METAP2: variants seen among roughly 807,000 people sequenced by gnomAD.
The protein encoded by METAP2 is methionyl aminopeptidase 2, also known as methionine aminopeptidase 2.
Under a neutral mutation model 59.4 loss-of-function variants are expected in METAP2, and 25 were observed. That is an observed-to-expected ratio of 0.42 (90% CI 0.31 to 0.59). METAP2 has a LOEUF of 0.59. Ranked by LOEUF, METAP2 falls within the 20% of genes least tolerant of loss-of-function variation. The pLI, the probability that METAP2 is intolerant of heterozygous loss-of-function variation, is 0.16. For missense variants in METAP2, 366 were observed against 581.2 expected (o/e 0.63, Z 3.81); for synonymous variants, 214 against 194.1 (o/e 1.10, Z -0.85).
intron 4 of METAP2, among the ~76,000 whole-genome samples, chr12:95,491,873 C>T (rs2076240120): frequency 6.6e-6 from 1 of 152,140 alleles, no homozygotes; most frequent in Non-Finnish European, 1.5e-5. Flanking sequence ...GTGGTGAGAT[C>T]TAGCTAAGTT....
At chr12:95,492,395 A>G (rs1415631353) in intron 4 of METAP2, among the ~76,000 whole-genome samples, 2 of 152,092 alleles carry the variant, frequency 1.3e-5, no homozygotes, top group South Asian at 2.1e-4. Context: ...GCAGATTTTA[A>G]AAAAATTTTT....
chr12:95,476,085 C>A lies in METAP2; in HGVS notation c.166C>A (p.Pro56Thr). 6.2e-7 allele frequency: 1 copy of A among 1,606,810 alleles called. No homozygotes were observed. Among genetic ancestry groups the A allele is most frequent in the South Asian group, 1.1e-5 (1 of 89,898 alleles). Reference sequence around the variant, plus strand: ...ATTTTGATCAGCAGGGGAACAGGAACCTGATAAAGAATCAGGAGCCTCAGT... The same window carrying A: ...ATTTTGATCAGCAGGGGAACAGGAAACTGATAAAGAATCAGGAGCCTCAGT... Reference protein sequence around the residue: ...KGPSAAGEQEPDKESGASVDE... With the variant: ...KGPSAAGEQETDKESGASVDE... The change falls in exon 2 of 11, where the codon CCT (proline) becomes ACT (threonine). Residue 56 changes from proline (P) to threonine (T), a missense_variant. Physicochemically the swap from Pro to Thr is conservative, Grantham distance 38 (BLOSUM62 -1). This residue lies in a region of METAP2 where 177 missense variants were observed against 180.3 expected (regional missense o/e 0.98). Transcript: ENST00000323666.
At chr12:95,500,322 C>T (rs1051148514) in intron 7 of METAP2, among the ~76,000 whole-genome samples, 2 of 152,034 alleles carry the variant, frequency 1.3e-5, no homozygotes, top group Admixed American at 6.6e-5. Context: ...TTAGGGTTTT[C>T]CCTAGGTAAG....
chr12:95,501,007 A>ATTTTTT (rs540202398), intron 7 of METAP2, among the ~76,000 whole-genome samples: 9 of 103,562 alleles, frequency 8.7e-5, no homozygotes, highest in African/African-American at 1.1e-4. Flanking sequence ...CTTTGTTGGG[A>ATTTTTT]TTTTTTTTTT....
rs2076422829 is a variant in METAP2, at chr12:95,513,743, A to G, written c.1276A>G (p.Ser426Gly). Residue 426 changes from serine to glycine, a missense_variant, in exon 11 of 11, where the codon AGT becomes GGT. Around this residue, in one of 4 missense-constraint regions of METAP2, gnomAD observed 82 missense variants for 156.2 expected, o/e 0.52. Coordinates refer to ENST00000323666, the MANE Select transcript of METAP2 (RefSeq NM_006838.4). Reference protein sequence around the residue: ...CRRWLDRLGESKYLMALKNLC... With the variant: ...CRRWLDRLGEGKYLMALKNLC... ...CAGATGGCTGGATCGCTTGGGAGAA[A>G]GTAAATACTTGATGGCTCTGAAGAA... is the stretch of plus-strand genomic sequence containing the variant. 2 of 1,614,258 alleles carry G rather than the reference A, an allele frequency of 1.2e-6. No individual in the cohort carries two copies. The highest frequency in any genetic ancestry group is 4.5e-5 in the East Asian group (2 of 44,890).
chr12:95,474,333 A>C lies in METAP2; in HGVS notation c.151+3A>C, dbSNP rs2076101733. Reference sequence around the variant, plus strand: ...GAAGAGCAAAGGGCCTTCTGCAGGTAAAGAGAGTTTTATGTTTTCCCAGTC... The same window carrying C: ...GAAGAGCAAAGGGCCTTCTGCAGGTCAAGAGAGTTTTATGTTTTCCCAGTC... On this transcript the variant is annotated splice_donor_region_variant and intron_variant, in intron 1 of 10. Transcript: ENST00000323666. 1 of 1,613,506 alleles carries C rather than the reference A, an allele frequency of 6.2e-7. No individual in the cohort carries two copies. The highest frequency in any genetic ancestry group is 1.7e-5 in the Admixed American group (1 of 59,854).
chr12:95,507,887 T>C (rs1023160844), intron 8 of METAP2, among the ~76,000 whole-genome samples: 1 of 151,258 alleles, frequency 6.6e-6, no homozygotes, highest in Non-Finnish European at 1.5e-5. Context: ...CAAGCAGTTC[T>C]CCTGCCTCAG....
chr12:95,485,164 C>A (rs1301316035), intron 3 of METAP2, among the ~76,000 whole-genome samples: 1 of 150,114 alleles, frequency 6.7e-6, no homozygotes, highest in Non-Finnish European at 1.5e-5. Context: ...TTCATCTGAT[C>A]GTTCATTTTG....
Position 95,504,151 on chromosome 12 carries a change from G to A in METAP2, c.954G>A (p.Lys318=). ...MESYEVEIDG[K]TYQVKPIRNL... is the part of the protein sequence containing the mutation. Reference sequence around the variant, plus strand: ...CCTATGAAGTTGAAATAGATGGGAAGACATATCAAGGTATGTTCTTTTAAA... The same window carrying A: ...CCTATGAAGTTGAAATAGATGGGAAAACATATCAAGGTATGTTCTTTTAAA... Residue 318 remains lysine, a synonymous_variant, in exon 8 of 11, where the codon AAG becomes AAA. Transcript: ENST00000323666. 6.3e-7 allele frequency: 1 copy of A among 1,593,148 alleles called. No homozygotes were observed.
chr12:95,493,984 TTAG>T (rs1322422602), intron 4 of METAP2, 69 bp from the exon 5 acceptor site: 1 of 1,274,478 alleles, frequency 7.8e-7, no homozygotes, highest in African/African-American at 1.5e-5. Flanking sequence ...GTCTTGTTAC[TTAG>T]TATAGTTGTC....
In METAP2 at chr12:95,514,578, T is replaced by G. The variant is rs200763332; in HGVS notation, c.*674T>G. ...TTTGTAGGACATAGTAGTCCTTGTC[T>G]TTTTTTCTCCTGACATTGGAAAGAT... On this transcript the variant is annotated 3_prime_UTR_variant, in exon 11 of 11. Transcript: ENST00000323666. 3 of 152,264 alleles carry G rather than the reference T, an allele frequency of 2.0e-5. No individual in the cohort carries two copies. The highest frequency in any genetic ancestry group is 4.4e-5 in the Non-Finnish European group (3 of 68,000). The allele number at this position is 152,264 out of a possible 1,614,324, so 9.4% of individuals were successfully genotyped here. A position where few individuals can be genotyped will look rare whatever the true frequency, so the allele number is the denominator to read the frequency against.
At chr12:95,487,389 A>C (rs2076205089) in intron 4 of METAP2, among the ~76,000 whole-genome samples, 1 of 152,048 alleles carries the variant, frequency 6.6e-6, no homozygotes, top group Non-Finnish European at 1.5e-5. Context: ...CCTCATTTCC[A>C]GTTACGAATG....
chr12:95,488,895 C>CAG (rs1471473358), intron 4 of METAP2, among the ~76,000 whole-genome samples: 1 of 152,112 alleles, frequency 6.6e-6, no homozygotes, highest in Non-Finnish European at 1.5e-5. Context: ...CACACACACA[C>CAG]ACACAAATGT....
At chr12:95,495,966 C>A in intron 6 of METAP2, 38 bp from the exon 7 acceptor site, 1 of 1,227,264 alleles carries the variant, frequency 8.1e-7, no homozygotes, top group Non-Finnish European at 1.2e-6. Context: ...AATTGACTAG[C>A]TGATAAGTAA....
intron 4 of METAP2, among the ~76,000 whole-genome samples, chr12:95,486,340 A>G (rs951775332): frequency 1.3e-5 from 2 of 152,054 alleles, no homozygotes; most frequent in African/African-American, 4.8e-5. Flanking sequence ...TTTCTGAGTG[A>G]TATAAGGGTT....
intron 2 of METAP2, among the ~76,000 whole-genome samples, chr12:95,480,808 G>A (rs918724113): frequency 2.0e-5 from 3 of 152,160 alleles, no homozygotes; most frequent in Non-Finnish European, 4.4e-5. Context: ...TATTCACCTG[G>A]TTAATGGTAT....
At position 95,491,437 on chromosome 12, in the gene METAP2, A is replaced by G. The variant is rs148060684; in HGVS notation, c.429-2619A>G. Among the ~76,000 whole-genome samples, 6 of 152,338 alleles carry G rather than the reference A, an allele frequency of 3.9e-5. No homozygotes were observed. The East Asian group carries it at 1.2e-3, about 29-fold the overall frequency. ...TCCTTCTTATAGGCAGAGTTAAAAT[A>G]TGCTTTATTTCTTACCCTTTAAGTA... On this transcript the variant is annotated intron_variant, in intron 4 of 10. Transcript: ENST00000323666.
At position 95,513,863 on chromosome 12, in the gene METAP2, C is replaced by A; in HGVS notation, c.1396C>A (p.Pro466Thr). Reference sequence around the variant, plus strand: ...ATTTGAACATACCATCCTGTTGCGTCCAACATGTAAAGAAGTTGTCAGCAG... The same window carrying A: ...ATTTGAACATACCATCCTGTTGCGTACAACATGTAAAGAAGTTGTCAGCAG... ...AQFEHTILLR[P>T]TCKEVVSRGD... The change falls in exon 11 of 11, where the codon CCA (proline) becomes ACA (threonine). Residue 466 changes from proline to threonine, a missense_variant. By Grantham distance (38) the Pro-to-Thr change is conservative. Coordinates refer to ENST00000323666, the MANE Select transcript of METAP2 (RefSeq NM_006838.4). 1 of 1,614,086 alleles carries A rather than the reference C, an allele frequency of 6.2e-7. No individual in the cohort carries two copies. Among genetic ancestry groups the A allele is most frequent in the Non-Finnish European group, 8.5e-7 (1 of 1,179,978 alleles).
chr12:95,495,959 T>G (rs747006297), intron 6 of METAP2, 45 bp from the exon 7 acceptor site: 1 of 1,159,708 alleles, frequency 8.6e-7, no homozygotes, highest in African/African-American at 1.5e-5. Context: ...GTAGATAAAT[T>G]GACTAGCTGA....
Sources: gnomAD v4.1 joint callset for allele counts (sites outside exome capture counted in the v4.1 genomes callset) on GRCh38, gnomAD v4.1.1 for gene constraint, gnomAD v4.1.1 regional missense constraint, MANE v1.5 for transcripts, NCBI Gene and HGNC (gene_info 2026-07-23, HGNC 2026-07-21) for gene names.